The following NAALADL2 variants were observed in gnomAD, a reference collection of about 807,000 sequenced individuals.
NAALADL2 encodes inactive N-acetylated-alpha-linked acidic dipeptidase-like protein 2.
In NAALADL2, 76 loss-of-function variants were observed where a neutral mutation model predicts 87.2. That is an observed-to-expected ratio of 0.87 (90% CI 0.72 to 1.05). The LOEUF (loss-of-function observed/expected upper bound fraction) is 1.05, where lower values mean the gene tolerates loss of function less well. Among genes scored for constraint, NAALADL2 ranks in the 50% least tolerant of loss-of-function variants. The pLI, the probability that NAALADL2 is intolerant of heterozygous loss-of-function variation, is 0.00. For missense variants in NAALADL2, 1,089 were observed against 945.8 expected (o/e 1.15, Z -1.99); for synonymous variants, 354 against 331.0 (o/e 1.07, Z -0.75).
intron 5 of NAALADL2, among the ~76,000 whole-genome samples, chr3:175,361,472 C>T (rs1286309779): frequency 6.7e-6 from 1 of 148,274 alleles, no homozygotes; most frequent in African/African-American, 2.4e-5. Flanking sequence ...AACTAGTTTA[C>T]AGTCCCACCA....
intron 1 of NAALADL2, among the ~76,000 whole-genome samples, chr3:175,027,490 C>G (rs1752351384): frequency 1.3e-5 from 2 of 152,124 alleles, no homozygotes; most frequent in Middle Eastern, 6.8e-3. Flanking sequence ...ACAATAAGTT[C>G]AATTAAAAAG....
chr3:175,162,355 A>G (rs112097488), intron 2 of NAALADL2, among the ~76,000 whole-genome samples: 9 of 152,270 alleles, frequency 5.9e-5, no homozygotes, highest in African/African-American at 2.2e-4. Context: ...TGTTGTCTAC[A>G]TAGATATCCA....
intron 1 of NAALADL2, among the ~76,000 whole-genome samples, chr3:175,056,311 A>T (rs1712157523): frequency 6.6e-6 from 1 of 152,090 alleles, no homozygotes; most frequent in Non-Finnish European, 1.5e-5. Flanking sequence ...TTAGTGTGAA[A>T]AGTTTCCAAA....
At chr3:175,182,550 G>GTTTT (rs1161831796) in intron 2 of NAALADL2, among the ~76,000 whole-genome samples, 2,599 of 69,442 alleles carry the variant, frequency 0.037, 440 homozygotes, top group Admixed American at 0.061. Context: ...ACCACAGCCA[G>GTTTT]TTTTTTTTTT....
chr3:174,699,053 T>C (rs1290440703), intron 2 of NAALADL2, among the ~76,000 whole-genome samples: 2 of 152,220 alleles, frequency 1.3e-5, no homozygotes, highest in East Asian at 3.9e-4. Flanking sequence ...AAACCTCTTC[T>C]CCTGTGATTC....
At chr3:174,601,003 G>A (rs1718397384) in intron 2 of NAALADL2, among the ~76,000 whole-genome samples, 1 of 152,128 alleles carries the variant, frequency 6.6e-6, no homozygotes, top group African/African-American at 2.4e-5. Flanking sequence ...GGCATGCAAT[G>A]CATAATAATC....
chr3:174,982,513 A>G (rs1745255681), intron 1 of NAALADL2, among the ~76,000 whole-genome samples: 1 of 152,222 alleles, frequency 6.6e-6, no homozygotes. Flanking sequence ...TGAACTGATT[A>G]TATATTTAAT....
chr3:175,052,084 G>A (rs1755469955), intron 1 of NAALADL2, among the ~76,000 whole-genome samples: 1 of 152,176 alleles, frequency 6.6e-6, no homozygotes, highest in Non-Finnish European at 1.5e-5. Flanking sequence ...GATAAGCATT[G>A]TTTCTATAGA....
intron 2 of NAALADL2, among the ~76,000 whole-genome samples, chr3:174,607,123 T>G (rs111616229): frequency 4.0e-5 from 6 of 150,014 alleles, no homozygotes; most frequent in African/African-American, 1.5e-4. Flanking sequence ...TGCTGAGAGA[T>G]TTTGTCACCA....
At chr3:175,500,144 C>T (rs573969498) in intron 9 of NAALADL2, among the ~76,000 whole-genome samples, 3 of 152,126 alleles carry the variant, frequency 2.0e-5, no homozygotes, top group East Asian at 1.9e-4. Context: ...TATTCTACCT[C>T]CTAGAATCAT....
chr3:175,598,246 A>G (rs932211818), intron 10 of NAALADL2, among the ~76,000 whole-genome samples: 1 of 152,084 alleles, frequency 6.6e-6, no homozygotes, highest in Non-Finnish European at 1.5e-5. Context: ...ATAGGAAATT[A>G]CATACAGTAG....
intron 1 of NAALADL2, among the ~76,000 whole-genome samples, chr3:175,078,725 A>G (rs1046031063): frequency 1.3e-5 from 2 of 152,164 alleles, no homozygotes; most frequent in African/African-American, 4.8e-5. Flanking sequence ...ACGTAGGAAG[A>G]TGTTTTTGAG....
At chr3:174,656,155 G>T (rs1724898263) in intron 2 of NAALADL2, among the ~76,000 whole-genome samples, 1 of 152,166 alleles carries the variant, frequency 6.6e-6, no homozygotes, top group African/African-American at 2.4e-5. Context: ...GCAAATATCG[G>T]CTACTGGAGG....
Position 175,789,817 on chromosome 3 carries a change from A to G in NAALADL2, c.2190-13188A>G, listed in dbSNP as rs188908209. Among the ~76,000 whole-genome samples, 4 of 152,326 alleles carry G rather than the reference A, an allele frequency of 2.6e-5. No individual in the cohort carries two copies. The East Asian group carries it at 7.7e-4, about 29-fold the overall frequency. On this transcript the variant is annotated intron_variant, in intron 13 of 13. Transcript: ENST00000454872. ...TCAATTACTTTAAAAACTAGTATGTATTTCAGATAGTACCACACATCTTAC... is the reference window on the plus strand; with the variant it reads ...TCAATTACTTTAAAAACTAGTATGTGTTTCAGATAGTACCACACATCTTAC...
intron 4 of NAALADL2, among the ~76,000 whole-genome samples, chr3:175,286,551 G>A (rs993692664): frequency 1.3e-5 from 2 of 152,132 alleles, no homozygotes; most frequent in East Asian, 1.9e-4. Context: ...TACTAGATTC[G>A]TTATTTCCAC....
chr3:175,803,181 G>GC lies in NAALADL2; in HGVS notation c.2366_2367insC (p.Val790CysfsTer11). The GC allele has an allele frequency of 1.9e-6, 3 of 1,609,326 alleles. No homozygotes were observed. The highest frequency in any genetic ancestry group is 2.2e-5 in the South Asian group (2 of 90,700). ...AAAGCAGGACTTGATGTGTTCAAGA[G>GC]TGTCTTGGATGGGAAGAATTGAGAA... On this transcript the variant is annotated frameshift_variant, in exon 14 of 14. Transcript: ENST00000454872. LOFTEE classifies it high-confidence loss of function.
intron 10 of NAALADL2, among the ~76,000 whole-genome samples, chr3:175,597,712 C>A (rs1458709275): frequency 6.6e-6 from 1 of 151,922 alleles, no homozygotes; most frequent in African/African-American, 2.4e-5. Flanking sequence ...ACCATTCTCC[C>A]CAAGTTGTAA....
chr3:174,633,479 T>A (rs1722343008), intron 2 of NAALADL2, among the ~76,000 whole-genome samples: 1 of 152,218 alleles, frequency 6.6e-6, no homozygotes. Context: ...ATCTTTCCCT[T>A]CAAATATTTA....
At chr3:174,701,218 TA>T (rs1398915098) in intron 2 of NAALADL2, among the ~76,000 whole-genome samples, 4 of 151,026 alleles carry the variant, frequency 2.6e-5, no homozygotes, top group African/African-American at 7.3e-5. Context: ...CAAAATAGTA[TA>T]AAAATGCTTA....
Sources: gnomAD v4.1 joint callset for allele counts (sites outside exome capture counted in the v4.1 genomes callset) on GRCh38, gnomAD v4.1.1 for gene constraint, MANE v1.5 for transcripts, NCBI Gene and HGNC (gene_info 2026-07-23, HGNC 2026-07-21) for gene names.